The following ADGRA3 variants were observed in gnomAD, a reference collection of about 807,000 sequenced individuals.
The protein encoded by ADGRA3 is G-protein coupled receptor 125.
ADGRA3 carries 56 observed loss-of-function variants against 119.8 expected under a neutral mutation model. That is an observed-to-expected ratio of 0.47 (90% CI 0.38 to 0.58). ADGRA3 has a LOEUF of 0.58. Ranked by LOEUF, ADGRA3 falls within the 20% of genes least tolerant of loss-of-function variation. The pLI, the probability that ADGRA3 is intolerant of heterozygous loss-of-function variation, is 0.00. For synonymous variants in ADGRA3, 607 were observed against 623.8 expected (o/e 0.97, Z 0.40); for missense variants, 1,516 against 1,649.0 (o/e 0.92, Z 1.40).
intron 1 of ADGRA3, among the ~76,000 whole-genome samples, chr4:22,487,159 A>G (rs1396715373): frequency 6.6e-6 from 1 of 152,188 alleles, no homozygotes; most frequent in Non-Finnish European, 1.5e-5. Context: ...TGTTTTCACT[A>G]ACATGGTAAA....
At chr4:22,457,666 T>G (rs915393794) in intron 3 of ADGRA3, among the ~76,000 whole-genome samples, 3 of 152,226 alleles carry the variant, frequency 2.0e-5, no homozygotes, top group Non-Finnish European at 4.4e-5. Context: ...TACTCCTGAA[T>G]GAGAATTTTT....
At position 22,388,911 on chromosome 4, in the gene ADGRA3, G is replaced by T; in HGVS notation, c.2760C>A (p.Phe920Leu). Reference sequence around the variant, plus strand: ...AAGTGATGAAGCTGGCTGGCCCATAGAAGGCTCCCAAGGAGGGTTCCCATG... The same window carrying T: ...AAGTGATGAAGCTGGCTGGCCCATATAAGGCTCCCAAGGAGGGTTCCCATG... Reference protein sequence around the residue: ...WMAWEPSLGAFYGPASFITFV... With the variant: ...WMAWEPSLGALYGPASFITFV... The change falls in exon 19 of 19, where the codon TTC becomes TTA. Residue 920 changes from phenylalanine (F) to leucine (L), a missense_variant. Coordinates refer to ENST00000334304, the MANE Select transcript of ADGRA3 (RefSeq NM_145290.4). 1.2e-6 allele frequency: 2 copies of T among 1,614,078 alleles called. No individual in the cohort carries two copies. Among genetic ancestry groups the T allele is most frequent in the Non-Finnish European group, 1.7e-6 (2 of 1,179,974 alleles).
intron 1 of ADGRA3, among the ~76,000 whole-genome samples, chr4:22,497,802 G>T (rs188461620): frequency 6.6e-6 from 1 of 151,178 alleles, no homozygotes; most frequent in African/African-American, 2.4e-5. Flanking sequence ...TGTTCAGGCC[G>T]GGTGTGGTAG....
intron 16 of ADGRA3, among the ~76,000 whole-genome samples, chr4:22,396,374 G>A (rs1015317703): frequency 5.3e-5 from 8 of 152,110 alleles, no homozygotes; most frequent in African/African-American, 1.9e-4. Flanking sequence ...AGCTCGCAAA[G>A]GGAATAATAA....
chr4:22,461,980 G>A (rs1717479294), intron 2 of ADGRA3, among the ~76,000 whole-genome samples, 172 bp from the exon 3 acceptor site: 1 of 152,120 alleles, frequency 6.6e-6, no homozygotes, highest in Non-Finnish European at 1.5e-5. Flanking sequence ...GAGTCAGAAT[G>A]CAAATTTGAC....
Position 22,461,410 on chromosome 4 carries a change from C to A in ADGRA3, c.401+327G>T, listed in dbSNP as rs548602731. 1.1e-4 allele frequency among the ~76,000 whole-genome samples: 16 copies of A among 152,344 alleles called. No homozygotes were observed. The South Asian group carries it at 1.2e-3, about 12-fold the overall frequency. ...CCCATTCCCAGGTTCCAGTGATTCT[C>A]CTGCCTCAGCCTCCCAGGTAGCTGG... is the stretch of plus-strand genomic sequence containing the variant. On this transcript the variant is annotated intron_variant, in intron 3 of 18. Coordinates refer to ENST00000334304, the MANE Select transcript of ADGRA3 (RefSeq NM_145290.4).
intron 1 of ADGRA3, among the ~76,000 whole-genome samples, chr4:22,475,756 A>G (rs993168988): frequency 6.6e-6 from 1 of 152,110 alleles, no homozygotes; most frequent in Admixed American, 6.5e-5. Context: ...TAAAAAAAAA[A>G]GAATGACACA....
chr4:22,476,379 G>A (rs1718045944), intron 1 of ADGRA3, among the ~76,000 whole-genome samples: 2 of 152,058 alleles, frequency 1.3e-5, no homozygotes, highest in Admixed American at 1.3e-4. Flanking sequence ...ACAAAAATCG[G>A]AAACTCCCAA....
intron 13 of ADGRA3, 82 bp from the exon 14 acceptor site, chr4:22,413,472 C>T (rs1715300093): frequency 7.2e-7 from 1 of 1,386,062 alleles, no homozygotes; most frequent in East Asian, 2.3e-5. Flanking sequence ...GTAATGGGTA[C>T]TCTGCAAGAT....
intron 16 of ADGRA3, among the ~76,000 whole-genome samples, chr4:22,399,497 T>G (rs572274540): frequency 8.3e-5 from 10 of 121,138 alleles, no homozygotes; most frequent in African/African-American, 2.5e-4. Context: ...AGAGTTGACT[T>G]TTTTTTTTAA....
intron 1 of ADGRA3, among the ~76,000 whole-genome samples, chr4:22,489,628 T>A (rs1207441284): frequency 2.0e-5 from 3 of 152,220 alleles, no homozygotes; most frequent in African/African-American, 4.8e-5. Context: ...GGACACATTC[T>A]ACTAAAATTT....
chr4:22,436,508 C>T lies in ADGRA3; in HGVS notation c.1219G>A (p.Ala407Thr), dbSNP rs1231054427. ...WRRCDRGGFW[A>T]DDDYSRCQYA... ...TGACAGCGAGAATAATCATCATCTG[C>T]CCAAAAGCCACCTCTATCACATCTG... Residue 407 changes from alanine (A) to threonine (T), a missense_variant, in exon 9 of 19, where the codon GCA becomes ACA. This residue lies in a region of ADGRA3 where 428 missense variants were observed against 541.9 expected (regional missense o/e 0.79). Transcript: ENST00000334304. 1.2e-6 allele frequency: 2 copies of T among 1,613,084 alleles called. No homozygotes were observed.
At chr4:22,506,091 C>A (rs1452832480) in intron 1 of ADGRA3, among the ~76,000 whole-genome samples, 1 of 152,088 alleles carries the variant, frequency 6.6e-6, no homozygotes, top group Non-Finnish European at 1.5e-5. Flanking sequence ...TACCCTGGGA[C>A]TCACCCCCTG....
chr4:22,421,295 T>C (rs1227436675), intron 11 of ADGRA3, among the ~76,000 whole-genome samples: 4 of 145,192 alleles, frequency 2.8e-5, no homozygotes, highest in Non-Finnish European at 6.0e-5. Flanking sequence ...TGTCCTAAAA[T>C]GGAAGGGAGA....
chr4:22,439,483 A>T (rs1028364784), intron 7 of ADGRA3, among the ~76,000 whole-genome samples: 1 of 152,208 alleles, frequency 6.6e-6, no homozygotes, highest in Non-Finnish European at 1.5e-5. Flanking sequence ...AATTAGACAG[A>T]AAGTATGTAT....
chr4:22,456,017 C>A (rs1289528901), intron 3 of ADGRA3, among the ~76,000 whole-genome samples: 7 of 152,166 alleles, frequency 4.6e-5, no homozygotes. Flanking sequence ...CCCTATTATT[C>A]TCTGTCATAG....
chr4:22,505,404 C>A (rs2109178166), intron 1 of ADGRA3, among the ~76,000 whole-genome samples: 1 of 152,176 alleles, frequency 6.6e-6, no homozygotes, highest in South Asian at 2.1e-4. Flanking sequence ...TGCCTGTAAT[C>A]CCAGTGCTTT....
chr4:22,428,139 C>T (rs1716017642), intron 10 of ADGRA3, among the ~76,000 whole-genome samples: 1 of 152,002 alleles, frequency 6.6e-6, no homozygotes, highest in Non-Finnish European at 1.5e-5. Flanking sequence ...GTAAACTAAA[C>T]TTGATGATAT....
chr4:22,444,667 T>G (rs530687309), intron 6 of ADGRA3, among the ~76,000 whole-genome samples: 1 of 152,232 alleles, frequency 6.6e-6, no homozygotes, highest in Admixed American at 6.5e-5. Flanking sequence ...ATTGTGTTAC[T>G]ACAGACAAAT....
Sources: allele counts gnomAD v4.1 joint callset (sites outside exome capture counted in the v4.1 genomes callset), GRCh38; gene constraint gnomAD v4.1.1; regional missense constraint gnomAD v4.1.1; transcripts MANE v1.5; gene names NCBI Gene and HGNC (gene_info 2026-07-23, HGNC 2026-07-21).